ABCC9: variants seen among roughly 807,000 people sequenced by gnomAD.
ABCC9 encodes the protein ATP binding cassette subfamily C member 9.
In ABCC9, 95 loss-of-function variants were observed where a neutral mutation model predicts 188.3. The ratio of observed to expected loss-of-function variants is 0.50; its 90% CI spans 0.43 to 0.60. The LOEUF (loss-of-function observed/expected upper bound fraction) is 0.60. Among genes scored for constraint, ABCC9 ranks in the 20% least tolerant of loss-of-function variants. ABCC9 has a pLI of 0.00. For missense variants in ABCC9, 1,102 were observed against 1,876.3 expected, an observed-to-expected ratio of 0.59 and a Z score of 7.62; for synonymous variants, 659 against 652.7, an observed-to-expected ratio of 1.01 and a Z score of -0.15.
intron 12 of ABCC9, among the ~76,000 whole-genome samples, chr12:21,898,547 T>C (rs1947545638): frequency 6.6e-6 from 1 of 152,228 alleles, no homozygotes; most frequent in East Asian, 1.9e-4. Flanking sequence ...AAATATTTTC[T>C]CTAAATCTAT....
intron 29 of ABCC9, among the ~76,000 whole-genome samples, 161 bp downstream of exon 29, chr12:21,842,153 A>G (rs1040230737): frequency 3.3e-5 from 5 of 152,210 alleles, no homozygotes; most frequent in East Asian, 1.9e-4. Context: ...TGTGTATTCA[A>G]TGTAGTACTC....
intron 8 of ABCC9, among the ~76,000 whole-genome samples, chr12:21,912,032 ATAAAG>A (rs900355670): frequency 3.9e-5 from 6 of 152,168 alleles, no homozygotes; most frequent in African/African-American, 1.4e-4. Flanking sequence ...AAGTGCCAAC[ATAAAG>A]TAAAGAGTGT....
chr12:21,884,640 C>A (rs910747039), intron 15 of ABCC9, among the ~76,000 whole-genome samples: 1 of 152,078 alleles, frequency 6.6e-6, no homozygotes, highest in African/African-American at 2.4e-5. Context: ...ACTGGTGTAT[C>A]AAGAGAACAC....
Position 21,894,145 on chromosome 12 carries a change from T to C in ABCC9, c.1689A>G (p.Gly563=), listed in dbSNP as rs747765299. 50 of 1,613,954 alleles carry C rather than the reference T, an allele frequency of 3.1e-5. No homozygotes were observed. Among genetic ancestry groups the C allele is most frequent in the Non-Finnish European group, 4.1e-5 (48 of 1,180,004 alleles). The change falls in exon 14 of 40, where the codon GGA becomes GGG. Residue 563 remains glycine (G), a synonymous_variant. Coordinates refer to ENST00000261200, the MANE Select transcript of ABCC9 (RefSeq NM_020297.4). The stretch of plus-strand genomic sequence containing the variant: ...AGGCCTCTGCAGGTTTCAGATTGTT[T>C]CCACTGGCATACGCATGGGTCACAA... The part of the protein sequence containing the change: ...ATFVTHAYAS[G]NNLKPAEAFA...
At chr12:21,938,909 A>T (rs1435913332) in intron 2 of ABCC9, among the ~76,000 whole-genome samples, 2 of 152,166 alleles carry the variant, frequency 1.3e-5, no homozygotes, top group Non-Finnish European at 1.5e-5. Context: ...TCAGACATAC[A>T]CCAGATATCT....
At position 21,895,265 on chromosome 12, in the gene ABCC9, A is replaced by G. The variant is rs201753781; in HGVS notation, c.1659+10T>C. 1.1e-5 allele frequency: 17 copies of G among 1,611,376 alleles called. No homozygotes were observed. The East Asian group carries it at 3.3e-4, about 32-fold the overall frequency. Reference sequence around the variant, plus strand: ...GGTTTCATTTCTAAAAGAGAGAAAAAGTGTCTTACAGCAAGAACAGCTGCT... The same window carrying G: ...GGTTTCATTTCTAAAAGAGAGAAAAGGTGTCTTACAGCAAGAACAGCTGCT... On this transcript the variant is annotated intron_variant, in intron 13 of 39. Transcript: ENST00000261200.
intron 8 of ABCC9, 119 bp downstream of exon 8, chr12:21,912,753 A>T: frequency 1.1e-6 from 1 of 885,908 alleles, no homozygotes; most frequent in Non-Finnish European, 1.6e-6. Context: ...TTTAGAAAGC[A>T]TTCAATTCTC....
chr12:21,834,236 T>A (rs1943945971), intron 30 of ABCC9, among the ~76,000 whole-genome samples: 4 of 152,348 alleles, frequency 2.6e-5, no homozygotes, highest in African/African-American at 9.6e-5. Flanking sequence ...GATGCCACTA[T>A]CCTGATTTTT....
intron 39 of ABCC9, chr12:21,805,304 A>G: frequency 6.2e-7 from 1 of 1,613,906 alleles, no homozygotes; most frequent in Non-Finnish European, 8.5e-7. Flanking sequence ...AATAGAAGAG[A>G]CACGGTGCTG....
chr12:21,864,471 A>G lies in ABCC9; in HGVS notation c.2205T>C (p.Asn735=). The change falls in exon 19 of 40, where the codon AAT becomes AAC. Residue 735 remains asparagine, a synonymous_variant. Transcript: ENST00000261200. The part of the protein sequence containing the change: ...LEGKVHWSNV[N]ESEPSFEATR... ...TTGCTTCAAAAGAAGGCTCAGATTCATTTACACTGCAAGTATGGCAAACAA... is the reference window on the plus strand; with the variant it reads ...TTGCTTCAAAAGAAGGCTCAGATTCGTTTACACTGCAAGTATGGCAAACAA... 2 of 1,592,240 alleles carry G rather than the reference A, an allele frequency of 1.3e-6. 1 individual carries two copies.
chr12:21,867,741 A>C (rs944530419), intron 18 of ABCC9, among the ~76,000 whole-genome samples: 4 of 151,846 alleles, frequency 2.6e-5, no homozygotes, highest in Non-Finnish European at 5.9e-5. Flanking sequence ...AGCTGATTAC[A>C]CTAAGATGTT....
In ABCC9 at chr12:21,928,697, T is replaced by G. The variant is rs143854408; in HGVS notation, c.285-2634A>C. On this transcript the variant is annotated intron_variant, in intron 4 of 39. Transcript: ENST00000261200. Reference sequence around the variant, plus strand: ...TTATTAAAGGAAGCAATAACAAAGATTTAGTAAAGATAATAGCAGCTACAA... The same window carrying G: ...TTATTAAAGGAAGCAATAACAAAGAGTTAGTAAAGATAATAGCAGCTACAA... 1.2e-3 allele frequency among the ~76,000 whole-genome samples: 187 copies of G among 152,296 alleles called. 2 individuals carry two copies. Among genetic ancestry groups the G allele is most frequent in the Middle Eastern group, 3.4e-3 (1 of 294 alleles).
At chr12:21,842,567 G>T in intron 28 of ABCC9, 96 bp from the exon 29 acceptor site, 3 of 1,222,166 alleles carry the variant, frequency 2.5e-6, no homozygotes, top group Non-Finnish European at 2.4e-6. Flanking sequence ...TAGTTACACA[G>T]TTAACTACCA....
chr12:21,808,766 G>A (rs534558289), intron 37 of ABCC9, among the ~76,000 whole-genome samples: 31 of 128,328 alleles, frequency 2.4e-4, no homozygotes, highest in Non-Finnish European at 9.6e-5. Context: ...GTAACATAGC[G>A]AGAACTTGTC....
At chr12:21,861,294 G>A (rs1441926546) in intron 20 of ABCC9, among the ~76,000 whole-genome samples, 1 of 149,584 alleles carries the variant, frequency 6.7e-6, no homozygotes, top group East Asian at 2.0e-4. Flanking sequence ...TCAGTGGCAC[G>A]ATCTTGGTTC....
chr12:21,890,965 TATA>T (rs1325960437), intron 14 of ABCC9, among the ~76,000 whole-genome samples: 4 of 151,798 alleles, frequency 2.6e-5, no homozygotes, highest in African/African-American at 2.4e-5. Context: ...AAACTTACAG[TATA>T]ATAATAATAA....
intron 33 of ABCC9, among the ~76,000 whole-genome samples, 189 bp from the exon 34 acceptor site, chr12:21,816,082 G>GTTTTTTTTTTTT (rs1325095522): frequency 4.2e-3 from 241 of 57,194 alleles, no homozygotes; most frequent in Admixed American, 6.7e-3. Flanking sequence ...TTTTTTTTTA[G>GTTTTTTTTTTTT]TTTAAATCAC....
chr12:21,927,924 CAAAG>C (rs1314189334), intron 4 of ABCC9, among the ~76,000 whole-genome samples: 4 of 152,012 alleles, frequency 2.6e-5, no homozygotes. Flanking sequence ...ACTATTGAAT[CAAAG>C]AAAGAATCTG....
At chr12:21,834,518 G>T (rs1389663362) in intron 30 of ABCC9, among the ~76,000 whole-genome samples, 1 of 152,014 alleles carries the variant, frequency 6.6e-6, no homozygotes, top group East Asian at 1.9e-4. Context: ...TTACCAGAAG[G>T]TGCCATTTGG....
Sources: gnomAD v4.1 joint callset for allele counts (sites outside exome capture counted in the v4.1 genomes callset) on GRCh38, gnomAD v4.1.1 for gene constraint, MANE v1.5 for transcripts, NCBI Gene and HGNC (gene_info 2026-07-23, HGNC 2026-07-21) for gene names.